The following RHBDD1 variants were observed in gnomAD, a reference collection of about 807,000 sequenced individuals.
RHBDD1 encodes rhomboid-related protein 4.
RHBDD1 carries 38 observed loss-of-function variants against 36.3 expected under a neutral mutation model. The ratio of observed to expected loss-of-function variants is 1.05; its 90% CI spans 0.81 to 1.37. The LOEUF is 1.37. Ranked by LOEUF, RHBDD1 falls within the 40% of genes most tolerant of loss-of-function variation. The pLI, the probability that RHBDD1 is intolerant of heterozygous loss-of-function variation, is 0.00. For missense variants in RHBDD1, 393 were observed against 377.6 expected (o/e 1.04, Z -0.34); for synonymous variants, 151 against 136.5 (o/e 1.11, Z -0.74).
chr2:226,897,018 G>A (rs1947152209), intron 5 of RHBDD1, among the ~76,000 whole-genome samples: 1 of 152,118 alleles, frequency 6.6e-6, no homozygotes, highest in Admixed American at 6.5e-5. Flanking sequence ...GACCAGGCTG[G>A]TCTCGAACTC....
the RHBDD1 span, chr2:226,807,690 A>G: frequency 1.3e-5 from 2 of 152,378 alleles, no homozygotes; most frequent in Non-Finnish European, 2.9e-5. Flanking sequence ...GTGAAATAAC[A>G]GTGGACACAA....
intron 7 of RHBDD1, among the ~76,000 whole-genome samples, chr2:226,912,056 A>C (rs1948555555): frequency 6.6e-6 from 1 of 152,184 alleles, no homozygotes; most frequent in Admixed American, 6.5e-5. Flanking sequence ...GAGAATGGAC[A>C]AAAGATCTGG....
chr2:226,879,842 A>G (rs1291852681), intron 5 of RHBDD1, among the ~76,000 whole-genome samples: 1 of 152,216 alleles, frequency 6.6e-6, no homozygotes, highest in East Asian at 1.9e-4. Flanking sequence ...ATGGATAAGG[A>G]CTGCAGAAGG....
intron 8 of RHBDD1, among the ~76,000 whole-genome samples, chr2:226,995,038 G>A (rs994861278): frequency 1.3e-5 from 2 of 151,912 alleles, no homozygotes; most frequent in African/African-American, 4.8e-5. Flanking sequence ...ATCAGAAGAA[G>A]CCAAACCAGC....
chr2:226,895,060 G>A (rs960878861), intron 5 of RHBDD1, among the ~76,000 whole-genome samples: 3 of 152,216 alleles, frequency 2.0e-5, no homozygotes, highest in Non-Finnish European at 4.4e-5. Flanking sequence ...AGGCTGGAGA[G>A]GCAGACAGAA....
intron 8 of RHBDD1, among the ~76,000 whole-genome samples, chr2:226,953,788 T>A (rs1255009841): frequency 6.6e-6 from 1 of 152,142 alleles, no homozygotes; most frequent in Non-Finnish European, 1.5e-5. Flanking sequence ...TAAAACTTAT[T>A]TTAAGTTTTA....
At chr2:226,803,860 CT>C in the RHBDD1 span, among the ~76,000 whole-genome samples, 1 of 152,156 alleles carries the variant, frequency 6.6e-6, no homozygotes, top group Non-Finnish European at 1.5e-5. Flanking sequence ...TAGATCAGGG[CT>C]TCTCAAACCC....
intron 8 of RHBDD1, among the ~76,000 whole-genome samples, chr2:226,919,599 C>G (rs1949164228): frequency 6.6e-6 from 1 of 151,916 alleles, no homozygotes; most frequent in Admixed American, 6.6e-5. Flanking sequence ...CCAGTGTATT[C>G]TCTTGGCACC....
chr2:226,969,891 G>T (rs1953109687), intron 8 of RHBDD1, among the ~76,000 whole-genome samples: 1 of 151,874 alleles, frequency 6.6e-6, no homozygotes, highest in Non-Finnish European at 1.5e-5. Flanking sequence ...AACACATCCT[G>T]TGGCGAGGCA....
the RHBDD1 span, among the ~76,000 whole-genome samples, chr2:226,806,392 A>G: frequency 1.7e-3 from 253 of 152,138 alleles, no homozygotes; most frequent in Middle Eastern, 6.8e-3. Flanking sequence ...TAGTTCCCCC[A>G]TTTCCCATTC....
At chr2:226,858,789 A>T (rs1943567473) in intron 3 of RHBDD1, among the ~76,000 whole-genome samples, 1 of 152,176 alleles carries the variant, frequency 6.6e-6, no homozygotes, top group African/African-American at 2.4e-5. Flanking sequence ...CATTAAAAGT[A>T]AATATGGCTA....
chr2:226,913,729 C>T (rs720501), intron 7 of RHBDD1, among the ~76,000 whole-genome samples: 64,781 of 151,902 alleles, frequency 0.43, 13,899 homozygotes, highest in South Asian at 0.49. Flanking sequence ...TTGGCTGCAT[C>T]TTAATGTTGG....
chr2:226,917,848 C>T (rs10166303), intron 8 of RHBDD1, among the ~76,000 whole-genome samples: 1,953 of 151,432 alleles, frequency 0.013, 45 homozygotes, highest in African/African-American at 0.045. Context: ...TTTTGAATTA[C>T]GGTGAATGAA....
chr2:226,945,246 CTTT>C (rs1950903320), intron 8 of RHBDD1, among the ~76,000 whole-genome samples: 1 of 151,222 alleles, frequency 6.6e-6, no homozygotes, highest in Non-Finnish European at 1.5e-5. Context: ...TGCCATGGTG[CTTT>C]GCTGCACCCA....
At chr2:226,889,376 T>C (rs1218230460) in intron 5 of RHBDD1, among the ~76,000 whole-genome samples, 1 of 152,178 alleles carries the variant, frequency 6.6e-6, no homozygotes, top group African/African-American at 2.4e-5. Flanking sequence ...GTTTTATACA[T>C]TTTCACGTTA....
At chr2:226,958,422 T>C (rs963519309) in intron 8 of RHBDD1, among the ~76,000 whole-genome samples, 1 of 152,114 alleles carries the variant, frequency 6.6e-6, no homozygotes, top group African/African-American at 2.4e-5. Context: ...CTAATAGGCA[T>C]TGAGTTTCTG....
At chr2:226,955,383 A>G (rs1951721625) in intron 8 of RHBDD1, among the ~76,000 whole-genome samples, 1 of 152,240 alleles carries the variant, frequency 6.6e-6, no homozygotes, top group African/African-American at 2.4e-5. Flanking sequence ...AAGCACTCTC[A>G]CCTTGCCCCA....
chr2:226,956,564 A>G (rs1169253715), intron 8 of RHBDD1, among the ~76,000 whole-genome samples: 1 of 152,132 alleles, frequency 6.6e-6, no homozygotes, highest in Non-Finnish European at 1.5e-5. Flanking sequence ...GTGTTCGTCT[A>G]TGTTTGGGCT....
chr2:226,856,164 C>G (rs949308057), intron 3 of RHBDD1, among the ~76,000 whole-genome samples: 14 of 152,160 alleles, frequency 9.2e-5, no homozygotes, highest in African/African-American at 3.1e-4. Context: ...GCCATACTAT[C>G]TGCTATTATG....
Sources: allele counts gnomAD v4.1 joint callset (sites outside exome capture counted in the v4.1 genomes callset), GRCh38; gene constraint gnomAD v4.1.1; transcripts MANE v1.5; gene names NCBI Gene and HGNC (gene_info 2026-07-23, HGNC 2026-07-21).